SYNJ2BP: variants seen among roughly 807,000 people sequenced by gnomAD.
SYNJ2BP encodes the protein synaptojanin 2 binding protein, also known as synaptojanin-2-binding protein.
Under a neutral mutation model 16.9 loss-of-function variants are expected in SYNJ2BP, and 10 were observed. The observed-to-expected ratio is 0.59, with a 90% CI of 0.36 to 1.00. The LOEUF is 1.00. Ranked by LOEUF, SYNJ2BP falls within the 50% of genes least tolerant of loss-of-function variation. The pLI, the probability that SYNJ2BP is intolerant of heterozygous loss-of-function variation, is 0.01. For missense variants in SYNJ2BP, 162 were observed against 186.7 expected, an observed-to-expected ratio of 0.87 and a Z score of 0.77; for synonymous variants, 54 against 68.4, an observed-to-expected ratio of 0.79 and a Z score of 1.04.
At position 70,388,546 on chromosome 14, in the gene SYNJ2BP, A is replaced by T. The variant is rs771555769; in HGVS notation, c.125T>A (p.Ile42Asn). The T allele has an allele frequency of 6.2e-7, 1 of 1,600,988 alleles. No homozygotes were observed. Among genetic ancestry groups the T allele is most frequent in the South Asian group, 1.1e-5 (1 of 88,564 alleles). The part of the protein sequence containing the change: ...DQQYVSNDSG[I>N]YVSRIKENGA... ...ATTTTCTTTGATGCGGCTGACGTAG[A>T]TGCCACTGTCGTTGGAGACATACTG... The change falls in exon 2 of 4, where the codon ATC becomes AAC. Residue 42 changes from isoleucine to asparagine, a missense_variant. Ile to Asn is a moderately radical substitution (Grantham distance 149, BLOSUM62 -3). Coordinates refer to ENST00000256366, the MANE Select transcript of SYNJ2BP (RefSeq NM_018373.3).
intron 1 of SYNJ2BP, among the ~76,000 whole-genome samples, chr14:70,409,921 G>A (rs1178563292): frequency 6.6e-6 from 1 of 151,342 alleles, no homozygotes; most frequent in Non-Finnish European, 1.5e-5. Context: ...GCATGACTGG[G>A]CAACATAGTG....
intron 1 of SYNJ2BP, among the ~76,000 whole-genome samples, chr14:70,410,649 T>C (rs1888452445): frequency 6.6e-6 from 1 of 151,756 alleles, no homozygotes. Context: ...ACAAAGAAAA[T>C]GTGGTGCATA....
chr14:70,382,448 C>A (rs1887772718), intron 2 of SYNJ2BP, among the ~76,000 whole-genome samples: 1 of 152,178 alleles, frequency 6.6e-6, no homozygotes, highest in African/African-American at 2.4e-5. Context: ...TTGCCTACAG[C>A]AGTGGTTCTC....
intron 1 of SYNJ2BP, among the ~76,000 whole-genome samples, chr14:70,410,484 G>C (rs1888448669): frequency 6.6e-6 from 1 of 152,100 alleles, no homozygotes; most frequent in Non-Finnish European, 1.5e-5. Context: ...AGTTTGCTCA[G>C]TCATTTAATG....
intron 1 of SYNJ2BP, among the ~76,000 whole-genome samples, chr14:70,414,024 G>T (rs187349128): frequency 2.0e-5 from 3 of 152,268 alleles, no homozygotes; most frequent in African/African-American, 4.8e-5. Context: ...AAATTATGTG[G>T]AAGTTTCTAG....
At chr14:70,391,185 A>T (rs544529567) in intron 1 of SYNJ2BP, among the ~76,000 whole-genome samples, 1 of 152,312 alleles carries the variant, frequency 6.6e-6, no homozygotes, top group Admixed American at 6.5e-5. Flanking sequence ...GCAGCTAGAT[A>T]ATAGAAAGAA....
rs1887395318 is a variant in SYNJ2BP, at chr14:70,366,706, C to T, written c.*6285G>A. The T allele has an allele frequency of 1.3e-5, 2 of 152,176 alleles. No individual in the cohort carries two copies. The highest frequency in any genetic ancestry group is 4.8e-5 in the African/African-American group (2 of 41,434). 9.4% of individuals were successfully genotyped at this position (152,176 alleles called of 1,614,324 possible). On this transcript the variant is annotated 3_prime_UTR_variant, in exon 4 of 4. Coordinates refer to ENST00000256366, the MANE Select transcript of SYNJ2BP (RefSeq NM_018373.3). ...TATGTCCGTGTGTCTTCTGTGTCTTCCAAGTTGCTACAGGGCTCTATTTGA... is the reference window on the plus strand; with the variant it reads ...TATGTCCGTGTGTCTTCTGTGTCTTTCAAGTTGCTACAGGGCTCTATTTGA...
intron 1 of SYNJ2BP, among the ~76,000 whole-genome samples, chr14:70,409,454 G>A (rs1888421573): frequency 1.3e-5 from 2 of 152,100 alleles, no homozygotes; most frequent in Admixed American, 1.3e-4. Context: ...CCACTTTTCT[G>A]GCTAGTCACA....
intron 1 of SYNJ2BP, among the ~76,000 whole-genome samples, chr14:70,401,328 T>TCA (rs891393848): frequency 1.3e-5 from 2 of 152,144 alleles, no homozygotes; most frequent in Non-Finnish European, 2.9e-5. Context: ...GCATGGCAGC[T>TCA]CACACACCTG....
At chr14:70,380,152 C>T (rs571174170) in intron 2 of SYNJ2BP, among the ~76,000 whole-genome samples, 1 of 152,238 alleles carries the variant, frequency 6.6e-6, no homozygotes, top group South Asian at 2.1e-4. Flanking sequence ...ATCAATTTAT[C>T]TGTGAGCAAA....
intron 1 of SYNJ2BP, among the ~76,000 whole-genome samples, chr14:70,399,534 C>CGGG (rs1888188011): frequency 6.6e-6 from 1 of 151,804 alleles, no homozygotes; most frequent in Admixed American, 6.5e-5. Flanking sequence ...GGGTGGGGGA[C>CGGG]ACACAGTTGG....
At chr14:70,411,141 G>A (rs1369436284) in intron 1 of SYNJ2BP, among the ~76,000 whole-genome samples, 1 of 152,130 alleles carries the variant, frequency 6.6e-6, no homozygotes, top group African/African-American at 2.4e-5. Context: ...TTCAGGGCTT[G>A]GAATTTTAAG....
intron 1 of SYNJ2BP, among the ~76,000 whole-genome samples, chr14:70,412,700 C>A (rs1262227983): frequency 1.3e-5 from 2 of 151,660 alleles, no homozygotes; most frequent in African/African-American, 4.8e-5. Context: ...ATCAACCCAT[C>A]ATCTTTTCCA....
At chr14:70,393,397 TTCC>T (rs968751842) in intron 1 of SYNJ2BP, among the ~76,000 whole-genome samples, 2 of 152,310 alleles carry the variant, frequency 1.3e-5, no homozygotes, top group African/African-American at 4.8e-5. Flanking sequence ...AGTGTGGAGA[TTCC>T]TCAAGGATCT....
At chr14:70,404,856 C>T (rs982508635) in intron 1 of SYNJ2BP, among the ~76,000 whole-genome samples, 1 of 152,102 alleles carries the variant, frequency 6.6e-6, no homozygotes, top group Non-Finnish European at 1.5e-5. Context: ...CCAGGTATAG[C>T]GGTTCACGCC....
Position 70,417,071 on chromosome 14 carries a change from A to T in SYNJ2BP, c.-108T>A, listed in dbSNP as rs1297339919. ...ACAGCACAGCGGTTTCGGTTTCAGC[A>T]GCCTCGAGACCCGGAAAAGGAAGCC... is the stretch of plus-strand genomic sequence containing the variant. On this transcript the variant is annotated 5_prime_UTR_variant, in exon 1 of 4. Transcript: ENST00000256366. 2 of 1,554,302 alleles carry T rather than the reference A, an allele frequency of 1.3e-6. No homozygotes were observed. The highest frequency in any genetic ancestry group is 1.8e-6 in the Non-Finnish European group (2 of 1,138,784).
chr14:70,396,974 A>C (rs1293425335), intron 1 of SYNJ2BP, among the ~76,000 whole-genome samples: 3 of 152,126 alleles, frequency 2.0e-5, no homozygotes, highest in African/African-American at 4.8e-5. Flanking sequence ...TGAAACACAA[A>C]ATTTTTTACT....
chr14:70,403,246 G>A (rs1409605670), intron 1 of SYNJ2BP, among the ~76,000 whole-genome samples: 1 of 152,170 alleles, frequency 6.6e-6, no homozygotes, highest in African/African-American at 2.4e-5. Context: ...TATAAGATCT[G>A]TTTCTGTCAC....
intron 1 of SYNJ2BP, among the ~76,000 whole-genome samples, chr14:70,414,538 A>T (rs1156330293): frequency 6.6e-6 from 1 of 152,222 alleles, no homozygotes; most frequent in Non-Finnish European, 1.5e-5. Context: ...ACTGAATTTT[A>T]AAAAGATTTC....
Sources: allele counts gnomAD v4.1 joint callset (sites outside exome capture counted in the v4.1 genomes callset), GRCh38; gene constraint gnomAD v4.1.1; transcripts MANE v1.5; gene names NCBI Gene and HGNC (gene_info 2026-07-23, HGNC 2026-07-21).